Variants in LONRF2 observed in about 807,000 individuals in gnomAD.
LONRF2 encodes the protein LON peptidase N-terminal domain and RING finger protein 2.
LONRF2 carries 35 observed loss-of-function variants against 66.6 expected under a neutral mutation model. The observed-to-expected ratio is 0.53, with a 90% CI of 0.40 to 0.70. LONRF2 has a LOEUF of 0.70. Among genes scored for constraint, LONRF2 ranks in the 30% least tolerant of loss-of-function variants. The probability of loss-of-function intolerance (pLI) is 0.00; values close to 1 mark genes in which losing one functional copy is unlikely to be tolerated. For synonymous variants in LONRF2, 417 were observed against 418.1 expected (o/e 1.00, Z 0.03); for missense variants, 902 against 1,002.1 (o/e 0.90, Z 1.35).
Position 100,284,134 on chromosome 2 carries a change from C to A in LONRF2, c.*164G>T. On this transcript the variant is annotated 3_prime_UTR_variant, in exon 12 of 12. Coordinates refer to ENST00000393437, the MANE Select transcript of LONRF2 (RefSeq NM_198461.4). ...TCACACAAGGTCAGATCCCACCAGA[C>A]ACAGAATTGTCATTTTTGAGGAGGA... 1 of 641,724 alleles carries A rather than the reference C, an allele frequency of 1.6e-6. No homozygotes were observed. The highest frequency in any genetic ancestry group is 2.6e-6 in the Non-Finnish European group (1 of 378,588). The allele number at this position is 641,724 out of a possible 1,614,324, so 39.8% of individuals were successfully genotyped here. A position where few individuals can be genotyped will look rare whatever the true frequency, so the allele number is the denominator to read the frequency against.
chr2:100,275,678 G>A lies in LONRF2; in HGVS notation c.*8620C>T, dbSNP rs1254918822. The A allele has an allele frequency of 1.3e-5, 2 of 152,146 alleles. No individual in the cohort carries two copies. The highest frequency in any genetic ancestry group is 6.5e-5 in the Admixed American group (1 of 15,280). 9.4% of individuals were successfully genotyped at this position (152,146 alleles called of 1,614,324 possible). A position where few individuals can be genotyped will look rare whatever the true frequency, so the allele number is the denominator to read the frequency against. ...GTTTGAGGAAAAGGGGAAGGGGTGGGACACTTTGTTCCCACTCCCCTGAGA... is the reference window on the plus strand; with the variant it reads ...GTTTGAGGAAAAGGGGAAGGGGTGGAACACTTTGTTCCCACTCCCCTGAGA... On this transcript the variant is annotated 3_prime_UTR_variant, in exon 12 of 12. Transcript: ENST00000393437.
rs778460383 is a variant in LONRF2, at chr2:100,321,502, G to C, written c.592C>G (p.Arg198Gly). The C allele has an allele frequency of 2.1e-5, 33 of 1,543,330 alleles. No individual in the cohort carries two copies. Among genetic ancestry groups the C allele is most frequent in the Non-Finnish European group, 2.8e-5 (32 of 1,157,174 alleles). The change falls in exon 1 of 12, where the codon CGC (arginine) becomes GGC (glycine). Residue 198 changes from arginine (R) to glycine (G), a missense_variant. By Grantham distance (125) the Arg-to-Gly change is moderately radical (BLOSUM62 -2). Around this residue, in one of 2 missense-constraint regions of LONRF2, gnomAD observed 585 missense variants for 569.9 expected, o/e 1.03. Coordinates refer to ENST00000393437, the MANE Select transcript of LONRF2 (RefSeq NM_198461.4). Reference protein sequence around the residue: ...EKCFPAECRLRRLAGQARSLQ... With the variant: ...EKCFPAECRLGRLAGQARSLQ... ...CTCCGCGCCTGGCCTGCCAGCCTGC[G>C]CAGCCGGCACTCGGCCGGGAAGCAC...
intron 8 of LONRF2, 148 bp from the exon 9 acceptor site, chr2:100,294,535 G>T: frequency 1.6e-6 from 1 of 617,550 alleles, no homozygotes; most frequent in Non-Finnish European, 2.6e-6. Context: ...AGAAAGCCAA[G>T]GACCATAGCA....
In LONRF2 at chr2:100,272,195, A is replaced by C. The variant is rs1674512892; in HGVS notation, c.*12103T>G. ...CAACACAAGATTGTCCTAAGAAGAA[A>C]AAGATGATCAAAGAGTATGCAGGGT... On this transcript the variant is annotated 3_prime_UTR_variant, in exon 12 of 12. Transcript: ENST00000393437. Among the ~76,000 whole-genome samples the C allele has an allele frequency of 6.6e-6, 1 of 152,248 alleles. No individual in the cohort carries two copies. The highest frequency in any genetic ancestry group is 2.4e-5 in the African/African-American group (1 of 41,466).
intron 2 of LONRF2, among the ~76,000 whole-genome samples, chr2:100,305,507 T>C (rs762353994): frequency 2.5e-4 from 38 of 152,198 alleles, no homozygotes; most frequent in Non-Finnish European, 3.5e-4. Context: ...ACTGCACTTC[T>C]CTCTCCATTG....
chr2:100,317,221 CCTT>C (rs937459228), intron 1 of LONRF2, among the ~76,000 whole-genome samples: 1 of 151,266 alleles, frequency 6.6e-6, no homozygotes, highest in African/African-American at 2.4e-5. Flanking sequence ...CTTATTCTCT[CCTT>C]CTCTATTCTT....
intron 4 of LONRF2, among the ~76,000 whole-genome samples, chr2:100,300,414 G>A (rs1436336010): frequency 6.6e-6 from 1 of 151,930 alleles, no homozygotes; most frequent in African/African-American, 2.4e-5. Flanking sequence ...TGCCGTTTGG[G>A]GTGATTTGGT....
chr2:100,287,804 G>C (rs1365027235), intron 10 of LONRF2, among the ~76,000 whole-genome samples: 1 of 152,164 alleles, frequency 6.6e-6, no homozygotes, highest in Non-Finnish European at 1.5e-5. Context: ...GTTTGGTCTG[G>C]CTTCATCACC....
intron 2 of LONRF2, among the ~76,000 whole-genome samples, chr2:100,308,263 G>A (rs1265414055): frequency 6.6e-6 from 1 of 152,066 alleles, no homozygotes; most frequent in Non-Finnish European, 1.5e-5. Flanking sequence ...CCAGCTATGC[G>A]GGAGGCTGAG....
At chr2:100,319,516 C>A (rs1406280035) in intron 1 of LONRF2, among the ~76,000 whole-genome samples, 1 of 152,174 alleles carries the variant, frequency 6.6e-6, no homozygotes, top group Non-Finnish European at 1.5e-5. Context: ...ATTCCCTTTT[C>A]ATCCCCCCAA....
At chr2:100,294,533 A>G in intron 8 of LONRF2, 146 bp from the exon 9 acceptor site, 1 of 636,576 alleles carries the variant, frequency 1.6e-6, no homozygotes, top group Admixed American at 3.9e-5. Flanking sequence ...CAAGAAAGCC[A>G]AGGACCATAG....
At chr2:100,307,828 C>T (rs1675328109) in intron 2 of LONRF2, among the ~76,000 whole-genome samples, 2 of 152,114 alleles carry the variant, frequency 1.3e-5, no homozygotes, top group Non-Finnish European at 2.9e-5. Context: ...TGTTTCAAAT[C>T]TACATATTGC....
chr2:100,320,878 A>G (rs1254694981), intron 1 of LONRF2, among the ~76,000 whole-genome samples: 1 of 152,202 alleles, frequency 6.6e-6, no homozygotes, highest in East Asian at 1.9e-4. Context: ...GTAACTATCT[A>G]GTAAGTTAAA....
At position 100,321,553 on chromosome 2, in the gene LONRF2, C is replaced by T; in HGVS notation, c.541G>A (p.Val181Met). Residue 181 changes from valine (V) to methionine (M), a missense_variant, in exon 1 of 12, where the codon GTG (valine) becomes ATG (methionine). Physicochemically the swap from Val to Met is conservative, Grantham distance 21. Around this residue, in one of 2 missense-constraint regions of LONRF2, gnomAD observed 585 missense variants for 569.9 expected, o/e 1.03. Coordinates refer to ENST00000393437, the MANE Select transcript of LONRF2 (RefSeq NM_198461.4). ...PARPQVRRVN[V>M]VLSGLLEKCF... Reference sequence around the variant, plus strand: ...TTCTCCAGCAGGCCGCTCAGCACCACGTTCACGCGCCGCACCTGCGGCCGC... The same window carrying T: ...TTCTCCAGCAGGCCGCTCAGCACCATGTTCACGCGCCGCACCTGCGGCCGC... 6.5e-7 allele frequency: 1 copy of T among 1,544,904 alleles called. No individual in the cohort carries two copies. Among genetic ancestry groups the T allele is most frequent in the Non-Finnish European group, 8.6e-7 (1 of 1,157,716 alleles).
At position 100,274,231 on chromosome 2, in the gene LONRF2, G is replaced by C. The variant is rs536392251; in HGVS notation, c.*10067C>G. ...ACCTCGAGGGCTGTCGTAGTACCCCGGGAGCCTCACATGACTCTCTCAGCC... is the reference window on the plus strand; with the variant it reads ...ACCTCGAGGGCTGTCGTAGTACCCCCGGAGCCTCACATGACTCTCTCAGCC... On this transcript the variant is annotated 3_prime_UTR_variant, in exon 12 of 12. Transcript: ENST00000393437. 1 of 151,984 alleles carries C rather than the reference G, an allele frequency of 6.6e-6. No individual in the cohort carries two copies. The highest frequency in any genetic ancestry group is 2.1e-4 in the South Asian group (1 of 4,804). 9.4% of individuals were successfully genotyped at this position (151,984 alleles called of 1,614,324 possible).
chr2:100,286,080 G>A (rs991701634), intron 11 of LONRF2, among the ~76,000 whole-genome samples: 1 of 152,034 alleles, frequency 6.6e-6, no homozygotes, highest in Non-Finnish European at 1.5e-5. Flanking sequence ...AGGACTTAAT[G>A]GCAATTTCTG....
chr2:100,320,341 T>G (rs1675595157), intron 1 of LONRF2, among the ~76,000 whole-genome samples: 1 of 152,288 alleles, frequency 6.6e-6, no homozygotes, highest in Non-Finnish European at 1.5e-5. Context: ...TTGCAAAAAC[T>G]ACAGAATACT....
chr2:100,287,501 A>C (rs1674871589), intron 10 of LONRF2, among the ~76,000 whole-genome samples: 1 of 152,188 alleles, frequency 6.6e-6, no homozygotes, highest in South Asian at 2.1e-4. Context: ...TCCTCAGTGT[A>C]GTTTCCTAGA....
intron 1 of LONRF2, among the ~76,000 whole-genome samples, chr2:100,319,062 G>A (rs1436925072): frequency 4.6e-5 from 7 of 150,868 alleles, no homozygotes; most frequent in African/African-American, 1.2e-4. Context: ...CCAGGGAGTC[G>A]GAGGTTGTAG....
Sources: gnomAD v4.1 joint callset for allele counts (sites outside exome capture counted in the v4.1 genomes callset) on GRCh38, gnomAD v4.1.1 for gene constraint, gnomAD v4.1.1 regional missense constraint, MANE v1.5 for transcripts, NCBI Gene and HGNC (gene_info 2026-07-23, HGNC 2026-07-21) for gene names.